The following SENP2 variants were observed in gnomAD, a reference collection of about 807,000 sequenced individuals.
SENP2 encodes sentrin-specific protease 2.
In SENP2, 16 loss-of-function variants were observed where a neutral mutation model predicts 86.3. The ratio of observed to expected loss-of-function variants is 0.19; its 90% CI spans 0.13 to 0.28. SENP2 has a LOEUF of 0.28. SENP2 is among the 10% of genes least tolerant of loss of function. The pLI is 1.00. For missense variants in SENP2, 552 were observed against 703.0 expected, an observed-to-expected ratio of 0.79 and a Z score of 2.43; for synonymous variants, 222 against 238.7, an observed-to-expected ratio of 0.93 and a Z score of 0.64.
intron 14 of SENP2, among the ~76,000 whole-genome samples, chr3:185,623,096 C>A (rs572839929): frequency 2.0e-5 from 3 of 151,640 alleles, no homozygotes; most frequent in Non-Finnish European, 2.9e-5. Context: ...GGATTACAGG[C>A]GTGAGCCACC....
In SENP2 at chr3:185,605,304, G is replaced by C. The variant is rs935469072; in HGVS notation, c.450-1026G>C. Among the ~76,000 whole-genome samples, 31 of 151,842 alleles carry C rather than the reference G, an allele frequency of 2.0e-4. No homozygotes were observed. In the East Asian group the frequency reaches 5.6e-3, roughly 27 times the overall value. ...GAGAATTGCTTGAACCTGGGAGGTG[G>C]AGGTTGCAGTGAGCCGAGATCGTGC... On this transcript the variant is annotated intron_variant, in intron 5 of 16. Transcript: ENST00000296257.
In SENP2 at chr3:185,593,754, GTTTC is replaced by G. The variant is rs1421635970; in HGVS notation, c.157+3591_157+3594del. Among the ~76,000 whole-genome samples the G allele has an allele frequency of 3.5e-5, 5 of 141,494 alleles. No individual in the cohort carries two copies. The East Asian group carries it at 1.0e-3, about 29-fold the overall frequency. 92.8% of individuals were successfully genotyped at this position (141,494 alleles called of 152,430 possible). ...TTTTTTTTTTTTTTTTTGAGACGGAGTTTCTTTCTCGTTGCCCAAGCTGCAGTGC... is the reference window on the plus strand; with the variant it reads ...TTTTTTTTTTTTTTTTTGAGACGGAGTTTCTCGTTGCCCAAGCTGCAGTGC... On this transcript the variant is annotated intron_variant, in intron 2 of 16. Coordinates refer to ENST00000296257, the MANE Select transcript of SENP2 (RefSeq NM_021627.3).
At chr3:185,598,337 T>C (rs780630959) in intron 2 of SENP2, 75 bp from the exon 3 acceptor site, 59 of 1,466,044 alleles carry the variant, frequency 4.0e-5, no homozygotes, top group Non-Finnish European at 5.1e-5. Context: ...TGAGAGAGGC[T>C]CTTTCCAAGA....
At chr3:185,628,512 C>CT (rs1207540389) in intron 16 of SENP2, among the ~76,000 whole-genome samples, 2 of 151,220 alleles carry the variant, frequency 1.3e-5, no homozygotes, top group African/African-American at 4.9e-5. Context: ...ATGTGAACTT[C>CT]TTTTTTTGTT....
At chr3:185,611,284 A>C (rs1274337702) in intron 7 of SENP2, among the ~76,000 whole-genome samples, 9 of 152,266 alleles carry the variant, frequency 5.9e-5, no homozygotes, top group Middle Eastern at 3.2e-3. Flanking sequence ...CTCAAAAAAC[A>C]AAAAGTTCTT....
At position 185,606,345 on chromosome 3, in the gene SENP2, A is replaced by G. The variant is rs1722508476; in HGVS notation, c.465A>G (p.Ser155=). 2 of 1,602,214 alleles carry G rather than the reference A, an allele frequency of 1.2e-6. No individual in the cohort carries two copies. Among genetic ancestry groups the G allele is most frequent in the Admixed American group, 1.8e-5 (1 of 56,274 alleles). Reference sequence around the variant, plus strand: ...TGTTGCTCAGTTTTACTTTGAACTCAGAAGGCTGTAATAGAAGACCAGGTG... The same window carrying G: ...TGTTGCTCAGTTTTACTTTGAACTCGGAAGGCTGTAATAGAAGACCAGGTG... The part of the protein sequence containing the change: ...VLPSFGFTLN[S]EGCNRRPGGR... The change falls in exon 6 of 17, where the codon TCA becomes TCG. Residue 155 remains serine (S), a synonymous_variant. Transcript: ENST00000296257.
chr3:185,608,995 G>A (rs1270546946), intron 6 of SENP2: 3 of 298,866 alleles, frequency 1.0e-5, no homozygotes, highest in East Asian at 1.2e-4. Context: ...TCAGAATTTA[G>A]CAGATAACAT....
chr3:185,597,297 A>T (rs9758141), intron 2 of SENP2, among the ~76,000 whole-genome samples: 43,775 of 152,060 alleles, frequency 0.29, 6,727 homozygotes, highest in African/African-American at 0.39. Flanking sequence ...TTTAAAAAAC[A>T]CAATTACAAT....
intron 6 of SENP2, chr3:185,606,888 C>CT: frequency 2.7e-6 from 1 of 375,498 alleles, no homozygotes. Context: ...AAAAATGAAA[C>CT]TTTTTTCAGA....
Position 185,611,756 on chromosome 3 carries a change from A to G in SENP2, c.817+11A>G, listed in dbSNP as rs780811391. 2 of 1,589,006 alleles carry G rather than the reference A, an allele frequency of 1.3e-6. No individual in the cohort carries two copies. Among genetic ancestry groups the G allele is most frequent in the Non-Finnish European group, 8.6e-7 (1 of 1,159,118 alleles). On this transcript the variant is annotated intron_variant, in intron 8 of 16. Transcript: ENST00000296257. The stretch of plus-strand genomic sequence containing the variant: ...TTGTTCCAAAACAATGTGAGTTCCC[A>G]GATTTAGCCTTGTCTTAATATATTG...
intron 13 of SENP2, among the ~76,000 whole-genome samples, chr3:185,621,230 C>A (rs377419389): frequency 4.9e-3 from 324 of 66,724 alleles, no homozygotes; most frequent in East Asian, 0.012. Flanking sequence ...ATAAAGAAAG[C>A]AAAAAAAAAA....
chr3:185,627,618 G>A (rs1347744630), intron 16 of SENP2, among the ~76,000 whole-genome samples: 2 of 152,106 alleles, frequency 1.3e-5, no homozygotes, highest in Non-Finnish European at 2.9e-5. Context: ...TCACCGTGTT[G>A]GCCAGGCTGG....
chr3:185,611,657 A>C lies in SENP2; in HGVS notation c.729A>C (p.Gln243His), dbSNP rs771684727. The part of the protein sequence containing the change: ...CPVTSNYHSS[Q>H]RSQMDTLKTK... Reference sequence around the variant, plus strand: ...CACTTTTTGTGTTTCTAAGTTCTCAAAGAAGTCAGATGGACACATTAAAGA... The same window carrying C: ...CACTTTTTGTGTTTCTAAGTTCTCACAGAAGTCAGATGGACACATTAAAGA... The change falls in exon 8 of 17, where the codon CAA becomes CAC. Residue 243 changes from glutamine (Q) to histidine (H), a missense_variant. Gln to His is a conservative substitution (Grantham distance 24, BLOSUM62 0). Around this residue, in one of 2 missense-constraint regions of SENP2, gnomAD observed 383 missense variants for 427.3 expected, o/e 0.90. Coordinates refer to ENST00000296257, the MANE Select transcript of SENP2 (RefSeq NM_021627.3). The C allele has an allele frequency of 1.2e-6, 2 of 1,611,846 alleles. No individual in the cohort carries two copies. The highest frequency in any genetic ancestry group is 1.7e-6 in the Non-Finnish European group (2 of 1,178,410).
chr3:185,616,434 G>A (rs1285613481), intron 11 of SENP2, among the ~76,000 whole-genome samples: 4 of 147,340 alleles, frequency 2.7e-5, no homozygotes, highest in African/African-American at 5.0e-5. Context: ...TCATGCAGCT[G>A]CATGCACTCC....
chr3:185,627,511 C>T (rs1712207855), intron 16 of SENP2, among the ~76,000 whole-genome samples: 1 of 152,196 alleles, frequency 6.6e-6, no homozygotes, highest in South Asian at 2.1e-4. Flanking sequence ...CTTCTGGGTT[C>T]AAGCAATACT....
chr3:185,620,311 A>G (rs1216591309), intron 13 of SENP2, among the ~76,000 whole-genome samples: 1 of 152,058 alleles, frequency 6.6e-6, no homozygotes, highest in Non-Finnish European at 1.5e-5. Flanking sequence ...TCCTGGCTTT[A>G]AGCAGTCCTC....
rs1355765621 is a variant in SENP2, at chr3:185,631,888, C to A, written c.*2044C>A. 1 of 151,264 alleles carries A rather than the reference C, an allele frequency of 6.6e-6. No homozygotes were observed. The highest frequency in any genetic ancestry group is 1.5e-5 in the Non-Finnish European group (1 of 67,930). 9.4% of individuals were successfully genotyped at this position (151,264 alleles called of 1,614,324 possible). On this transcript the variant is annotated 3_prime_UTR_variant, in exon 17 of 17. Transcript: ENST00000296257. The stretch of plus-strand genomic sequence containing the variant: ...AATGTATTATTTTGAGGGGCTTCTT[C>A]AGAGCAGTTCTCACTGAGCTTTCCA...
chr3:185,624,485 G>A (rs1033326283), intron 15 of SENP2, among the ~76,000 whole-genome samples: 10 of 152,142 alleles, frequency 6.6e-5, no homozygotes, highest in African/African-American at 1.4e-4. Context: ...CTAATTTCCC[G>A]GTTGGTGCTA....
intron 2 of SENP2, among the ~76,000 whole-genome samples, chr3:185,594,443 T>C (rs1568664): frequency 0.38 from 57,201 of 151,922 alleles, 10,967 homozygotes; most frequent in South Asian, 0.56. Flanking sequence ...CTAGTTCAAC[T>C]GAGGAACTGA....
Sources: gnomAD v4.1 joint callset for allele counts (sites outside exome capture counted in the v4.1 genomes callset) on GRCh38, gnomAD v4.1.1 for gene constraint, gnomAD v4.1.1 regional missense constraint, MANE v1.5 for transcripts, NCBI Gene and HGNC (gene_info 2026-07-23, HGNC 2026-07-21) for gene names.